The following IFTAP variants were observed in gnomAD, a reference collection of about 807,000 sequenced individuals.
IFTAP encodes intraflagellar transport-associated protein.
In IFTAP, 19 loss-of-function variants were observed where a neutral mutation model predicts 19.4. The ratio of observed to expected loss-of-function variants is 0.98; its 90% CI spans 0.68 to 1.44. The LOEUF (loss-of-function observed/expected upper bound fraction) is 1.44, where lower values mean the gene tolerates loss of function less well. Ranked by LOEUF, IFTAP falls within the 40% of genes most tolerant of loss-of-function variation. The pLI, the probability that IFTAP is intolerant of heterozygous loss-of-function variation, is 0.00. For missense variants in IFTAP, 240 were observed against 253.6 expected (o/e 0.95, Z 0.36); for synonymous variants, 85 against 83.5 (o/e 1.02, Z -0.10).
chr11:36,616,992 T>G (rs982171836), intron 2 of IFTAP, among the ~76,000 whole-genome samples: 1 of 151,718 alleles, frequency 6.6e-6, no homozygotes, highest in Non-Finnish European at 1.5e-5. Flanking sequence ...AGATCAAGTA[T>G]TTCTGATGAA....
At chr11:36,648,468 C>A in intron 5 of IFTAP, 1 of 216,816 alleles carries the variant, frequency 4.6e-6, no homozygotes, top group Non-Finnish European at 9.0e-6. Flanking sequence ...TTGAACTGGC[C>A]GTTTTTATTA....
chr11:36,609,609 GC>G (rs1310894982), intron 1 of IFTAP, among the ~76,000 whole-genome samples: 1 of 152,054 alleles, frequency 6.6e-6, no homozygotes. Flanking sequence ...TCTTGAGCTG[GC>G]ACTTCTCCAT....
At chr11:36,639,217 A>G (rs1295361265) in intron 4 of IFTAP, among the ~76,000 whole-genome samples, 1 of 148,500 alleles carries the variant, frequency 6.7e-6, no homozygotes, top group Non-Finnish European at 1.5e-5. Flanking sequence ...GCCCAGCCCA[A>G]CCTCTTTTCT....
intron 2 of IFTAP, among the ~76,000 whole-genome samples, chr11:36,625,611 G>A (rs144638518): frequency 5.2e-3 from 788 of 152,208 alleles, no homozygotes; most frequent in African/African-American, 0.017. Context: ...TACATTGCAC[G>A]CCCTCATTCA....
chr11:36,602,115 A>G (rs926960368), intron 1 of IFTAP, among the ~76,000 whole-genome samples: 3 of 152,232 alleles, frequency 2.0e-5, no homozygotes, highest in African/African-American at 7.2e-5. Flanking sequence ...CTTATAGCCC[A>G]TTTATTATTC....
At chr11:36,624,108 A>G (rs1418978239) in intron 2 of IFTAP, among the ~76,000 whole-genome samples, 6 of 152,134 alleles carry the variant, frequency 3.9e-5, no homozygotes, top group Admixed American at 3.3e-4. Flanking sequence ...CTTCGTTGGA[A>G]GAAATGCTTT....
intron 3 of IFTAP, among the ~76,000 whole-genome samples, chr11:36,634,492 T>A (rs768119246): frequency 6.6e-6 from 1 of 152,136 alleles, no homozygotes; most frequent in African/African-American, 2.4e-5. Context: ...TCTGTTATGC[T>A]CAGCTAATTA....
intron 2 of IFTAP, among the ~76,000 whole-genome samples, chr11:36,623,128 G>C (rs531212935): frequency 6.6e-6 from 1 of 152,180 alleles, no homozygotes; most frequent in South Asian, 2.1e-4. Context: ...CACCTGGAAG[G>C]TACTTATTAA....
chr11:36,620,742 G>A (rs1022881155), intron 2 of IFTAP, among the ~76,000 whole-genome samples: 2 of 151,824 alleles, frequency 1.3e-5, no homozygotes, highest in African/African-American at 4.8e-5. Context: ...TTAATGCACA[G>A]TATTTTGTTC....
chr11:36,609,102 C>T (rs1413171727), intron 1 of IFTAP, among the ~76,000 whole-genome samples: 2 of 152,106 alleles, frequency 1.3e-5, no homozygotes, highest in Non-Finnish European at 2.9e-5. Context: ...ACAACTGTTT[C>T]CCATACAGCA....
intron 2 of IFTAP, 99 bp from the exon 3 acceptor site, chr11:36,633,185 G>C (rs1185728232): frequency 4.3e-6 from 5 of 1,166,422 alleles, no homozygotes; most frequent in Non-Finnish European, 5.7e-6. Context: ...TCTTTGAAAA[G>C]TATTCTTTTT....
At chr11:36,630,463 A>G (rs1852686153) in intron 2 of IFTAP, among the ~76,000 whole-genome samples, 1 of 151,438 alleles carries the variant, frequency 6.6e-6, no homozygotes, top group African/African-American at 2.5e-5. Context: ...GAGAATTTTA[A>G]AAAGAGTGGA....
At chr11:36,625,787 C>G (rs923239137) in intron 2 of IFTAP, among the ~76,000 whole-genome samples, 1 of 152,122 alleles carries the variant, frequency 6.6e-6, no homozygotes, top group Non-Finnish European at 1.5e-5. Context: ...TATAGGGAAT[C>G]ATGAGTGCTG....
At chr11:36,612,600 A>G (rs1851915917) in intron 2 of IFTAP, among the ~76,000 whole-genome samples, 1 of 151,986 alleles carries the variant, frequency 6.6e-6, no homozygotes, top group South Asian at 2.1e-4. Flanking sequence ...CAATGTGTTT[A>G]GTTGTTTTGT....
At chr11:36,656,466 A>T (rs190503071) in intron 5 of IFTAP, among the ~76,000 whole-genome samples, 18 of 152,152 alleles carry the variant, frequency 1.2e-4, no homozygotes, top group Middle Eastern at 6.8e-3. Context: ...GCTACTCAGG[A>T]GGCTGAGGCA....
intron 2 of IFTAP, among the ~76,000 whole-genome samples, chr11:36,614,181 T>A (rs1327891881): frequency 6.8e-6 from 1 of 146,060 alleles, no homozygotes; most frequent in Non-Finnish European, 1.5e-5. Context: ...TGGTTTTTTG[T>A]TCTTGCGATA....
At chr11:36,618,373 C>G (rs1852172028) in intron 2 of IFTAP, among the ~76,000 whole-genome samples, 1 of 152,002 alleles carries the variant, frequency 6.6e-6, no homozygotes, top group African/African-American at 2.4e-5. Context: ...CAGTTCTTCT[C>G]AAGACCTGGG....
intron 5 of IFTAP, among the ~76,000 whole-genome samples, chr11:36,649,569 C>T (rs1298519985): frequency 6.6e-6 from 1 of 151,896 alleles, no homozygotes; most frequent in Non-Finnish European, 1.5e-5. Context: ...TATATATAAT[C>T]TAGTACAATT....
intron 4 of IFTAP, among the ~76,000 whole-genome samples, chr11:36,639,267 T>TA (rs1853095674): frequency 6.6e-6 from 1 of 151,904 alleles, no homozygotes; most frequent in Admixed American, 6.6e-5. Flanking sequence ...TTTTTTTTTT[T>TA]AATCTACTTC....
Sources: allele counts gnomAD v4.1 joint callset (sites outside exome capture counted in the v4.1 genomes callset), GRCh38; gene constraint gnomAD v4.1.1; transcripts MANE v1.5; gene names NCBI Gene and HGNC (gene_info 2026-07-23, HGNC 2026-07-21).